Variants in KLF13 observed in about 807,000 individuals in gnomAD.
KLF13 encodes the protein Krueppel-like factor 13.
A neutral mutation model predicts 16.7 loss-of-function variants in KLF13; 8 were observed. That is an observed-to-expected ratio of 0.48 (90% CI 0.28 to 0.87). The LOEUF (loss-of-function observed/expected upper bound fraction) is 0.87, where lower values mean the gene tolerates loss of function less well. Among genes scored for constraint, KLF13 ranks in the 40% least tolerant of loss-of-function variants. The pLI is 0.10. For missense variants in KLF13, 447 were observed against 452.2 expected (o/e 0.99, Z 0.10); for synonymous variants, 245 against 208.4 (o/e 1.18, Z -1.51).
intron 1 of KLF13, among the ~76,000 whole-genome samples, chr15:31,352,973 A>AT (rs2039239748): frequency 6.6e-6 from 1 of 152,082 alleles, no homozygotes; most frequent in Non-Finnish European, 1.5e-5. Flanking sequence ...TGCAGCCACC[A>AT]TGCAGCCCAC....
At chr15:31,350,303 G>C (rs1214586997) in intron 1 of KLF13, among the ~76,000 whole-genome samples, 1 of 152,190 alleles carries the variant, frequency 6.6e-6, no homozygotes, top group Non-Finnish European at 1.5e-5. Context: ...CAGCGTGCAG[G>C]GCACCTGGAT....
intron 1 of KLF13, among the ~76,000 whole-genome samples, chr15:31,338,251 G>T (rs2038963135): frequency 6.6e-6 from 1 of 152,190 alleles, no homozygotes; most frequent in South Asian, 2.1e-4. Flanking sequence ...GAATTCCTTT[G>T]CACATCTAGC....
chr15:31,404,989 G>C (rs117031536), downstream of KLF13, among the ~76,000 whole-genome samples: 38 of 152,336 alleles, frequency 2.5e-4, no homozygotes, highest in East Asian at 6.9e-3. Context: ...TACGAGTACT[G>C]TTTTGTAGTA....
intron 1 of KLF13, among the ~76,000 whole-genome samples, chr15:31,368,913 C>T (rs1007740939): frequency 1.3e-5 from 2 of 152,222 alleles, no homozygotes; most frequent in South Asian, 4.1e-4. Context: ...ACCAGTCCAG[C>T]CCCACTCCCT....
downstream of KLF13, among the ~76,000 whole-genome samples, chr15:31,382,185 G>A (rs2039735238): frequency 1.3e-5 from 2 of 152,224 alleles, no homozygotes; most frequent in African/African-American, 4.8e-5. Context: ...ACTGACCTGG[G>A]ACACAGAGGA....
chr15:31,392,382 C>A (rs1250575387), upstream of KLF13, among the ~76,000 whole-genome samples: 4 of 152,322 alleles, frequency 2.6e-5, no homozygotes, highest in Admixed American at 6.5e-5. Flanking sequence ...CGCCGAGTCA[C>A]GGGTCGCGGG....
intron 1 of KLF13, among the ~76,000 whole-genome samples, chr15:31,370,803 C>G (rs1024274496): frequency 6.6e-6 from 1 of 152,156 alleles, no homozygotes; most frequent in African/African-American, 2.4e-5. Context: ...GAATACTAAT[C>G]AGAAATTTCA....
chr15:31,413,221 G>A (rs1450124832), intron 1 of KLF13, among the ~76,000 whole-genome samples: 2 of 140,066 alleles, frequency 1.4e-5, no homozygotes, highest in Non-Finnish European at 3.1e-5. Flanking sequence ...AAAAAAACCA[G>A]CCTCAGAGAT....
chr15:31,377,367 G>A lies in KLF13; in HGVS notation c.*5068G>A, dbSNP rs2039666014. On this transcript the variant is annotated 3_prime_UTR_variant, in exon 2 of 2. Coordinates refer to ENST00000307145, the MANE Select transcript of KLF13 (RefSeq NM_015995.4). ...TGGGGCTGGAAAGCCTCAGCAGAAA[G>A]GAGGCACTACTGAGCAACTATGCAT... 6.6e-6 allele frequency: 1 copy of A among 152,638 alleles called. No homozygotes were observed. Among genetic ancestry groups the A allele is most frequent in the Non-Finnish European group, 1.5e-5 (1 of 68,048 alleles). 9.5% of individuals were successfully genotyped at this position (152,638 alleles called of 1,614,324 possible). A position where few individuals can be genotyped will look rare whatever the true frequency, so the allele number is the denominator to read the frequency against.
chr15:31,419,911 G>A (rs1378025981), intron 1 of KLF13, among the ~76,000 whole-genome samples: 1 of 152,124 alleles, frequency 6.6e-6, no homozygotes, highest in Non-Finnish European at 1.5e-5. Context: ...CAGAAGTCAA[G>A]GATAAAGAGA....
intron 1 of KLF13, among the ~76,000 whole-genome samples, chr15:31,363,977 G>A (rs1454545262): frequency 1.3e-5 from 2 of 152,204 alleles, no homozygotes; most frequent in African/African-American, 4.8e-5. Flanking sequence ...CTCATAACAT[G>A]TATTGACTGC....
At chr15:31,391,843 TCC>T (rs1440134104), upstream of KLF13, among the ~76,000 whole-genome samples, 6 of 151,994 alleles carry the variant, frequency 3.9e-5, no homozygotes, top group Admixed American at 1.3e-4. Context: ...TTCCCGGGCT[TCC>T]CAGGCTCTAG....
chr15:31,371,822 C>A (rs545740912), intron 1 of KLF13, among the ~76,000 whole-genome samples, 188 bp from the exon 2 acceptor site: 1 of 152,214 alleles, frequency 6.6e-6, no homozygotes, highest in Non-Finnish European at 1.5e-5. Context: ...CCATCCCAGG[C>A]GTGGGCGGGA....
chr15:31,328,522 C>T (rs1427424135), intron 1 of KLF13, among the ~76,000 whole-genome samples: 1 of 151,940 alleles, frequency 6.6e-6, no homozygotes, highest in Non-Finnish European at 1.5e-5. Flanking sequence ...GAGGCTCTCT[C>T]CGGAAAGGAA....
chr15:31,344,517 C>G (rs558545671), intron 1 of KLF13, among the ~76,000 whole-genome samples: 159 of 152,330 alleles, frequency 1.0e-3, no homozygotes, highest in Non-Finnish European at 1.1e-3. Flanking sequence ...ACCCTACTGT[C>G]ATGGCTGGCC....
At chr15:31,330,799 T>A (rs925559460) in intron 1 of KLF13, among the ~76,000 whole-genome samples, 1 of 152,254 alleles carries the variant, frequency 6.6e-6, no homozygotes, top group Non-Finnish European at 1.5e-5. Flanking sequence ...GAAAAACATC[T>A]TTGCAGCTCG....
At chr15:31,358,177 C>T (rs888702957) in intron 1 of KLF13, among the ~76,000 whole-genome samples, 2 of 152,124 alleles carry the variant, frequency 1.3e-5, no homozygotes, top group African/African-American at 4.8e-5. Flanking sequence ...CAGGAGTTTG[C>T]CAGAGATACA....
chr15:31,380,463 G>A (rs1186617964), downstream of KLF13, among the ~76,000 whole-genome samples: 1 of 152,122 alleles, frequency 6.6e-6, no homozygotes, highest in East Asian at 1.9e-4. Flanking sequence ...TCAGAGGAAG[G>A]GCCACAGTGT....
chr15:31,368,124 A>C (rs1595477352), intron 1 of KLF13, among the ~76,000 whole-genome samples: 1 of 151,610 alleles, frequency 6.6e-6, no homozygotes, highest in African/African-American at 2.4e-5. Flanking sequence ...TTACATCTGC[A>C]AAGACCCTTT....
Sources: allele counts gnomAD v4.1 joint callset (sites outside exome capture counted in the v4.1 genomes callset), GRCh38; gene constraint gnomAD v4.1.1; transcripts MANE v1.5; gene names NCBI Gene and HGNC (gene_info 2026-07-23, HGNC 2026-07-21).